Variants in MAP2K5 observed in about 807,000 individuals in gnomAD.
MAP2K5 encodes the protein dual specificity mitogen-activated protein kinase kinase 5.
In MAP2K5, 49 loss-of-function variants were observed where a neutral mutation model predicts 83.1. That is an observed-to-expected ratio of 0.59 (90% CI 0.47 to 0.75). The LOEUF is 0.75. MAP2K5 is among the 30% of genes least tolerant of loss of function. The probability of loss-of-function intolerance (pLI) is 0.00; values close to 1 mark genes in which losing one functional copy is unlikely to be tolerated. For missense variants in MAP2K5, 457 were observed against 557.5 expected (o/e 0.82, Z 1.82); for synonymous variants, 202 against 191.8 (o/e 1.05, Z -0.44).
chr15:67,617,906 C>G (rs2086090292), intron 8 of MAP2K5, among the ~76,000 whole-genome samples: 1 of 152,070 alleles, frequency 6.6e-6, no homozygotes, highest in Non-Finnish European at 1.5e-5. Context: ...GTTGCCCAGG[C>G]TGGTCTTGAA....
rs2089682571 is a variant in MAP2K5 at position 67,749,903 on chromosome 15, A to G, written c.1134+1302A>G. Among the ~76,000 whole-genome samples, 1 of 152,122 alleles carries G rather than the reference A, an allele frequency of 6.6e-6. No homozygotes were observed. The highest frequency in any genetic ancestry group is 6.5e-5 in the Admixed American group (1 of 15,272). On this transcript the variant is annotated intron_variant, in intron 19 of 21. Transcript: ENST00000178640. The surrounding 1 kb of genome is among the most constrained non-coding windows in gnomAD (Gnocchi z 4.6). ...AGTGTCTGGGGAAACTTGCCTACCC[A>G]GTTTCGTGCACAGCCTTCTGTGTTT...
intron 19 of MAP2K5, among the ~76,000 whole-genome samples, chr15:67,756,053 C>T (rs1056164172): frequency 3.3e-5 from 5 of 152,208 alleles, no homozygotes; most frequent in East Asian, 1.9e-4. Context: ...ATCTCTCCCC[C>T]ACACTAGGGC....
intron 9 of MAP2K5, among the ~76,000 whole-genome samples, chr15:67,639,759 A>C (rs1393805295): frequency 2.0e-5 from 3 of 152,250 alleles, no homozygotes; most frequent in Non-Finnish European, 4.4e-5. Context: ...TGTGTCTTTT[A>C]AGTTGAACTC....
At chr15:67,759,097 A>G (rs781267684) in intron 19 of MAP2K5, among the ~76,000 whole-genome samples, 6 of 152,156 alleles carry the variant, frequency 3.9e-5, no homozygotes, top group Admixed American at 1.3e-4. Flanking sequence ...TTGAAATACA[A>G]TAAGTTTGGC....
intron 17 of MAP2K5, among the ~76,000 whole-genome samples, chr15:67,745,514 T>G (rs980772097): frequency 1.3e-5 from 2 of 152,252 alleles, no homozygotes; most frequent in South Asian, 2.1e-4. Context: ...TACAGTAATG[T>G]GATCTTGAAA....
At position 67,658,569 on chromosome 15, in the gene MAP2K5, A is replaced by G. The variant is rs764859617; in HGVS notation, c.753A>G (p.Val251=). 5.6e-6 allele frequency: 9 copies of G among 1,612,212 alleles called. No homozygotes were observed. The highest frequency in any genetic ancestry group is 1.1e-5 in the South Asian group (1 of 91,044). ...TEFMDGGSLD[V]YRKMPEHVLG... Reference sequence around the variant, plus strand: ...TCTCTACAGGGGGATCTTTGGATGTATATAGGAAAATGCCAGAACATGTCC... The same window carrying G: ...TCTCTACAGGGGGATCTTTGGATGTGTATAGGAAAATGCCAGAACATGTCC... The change falls in exon 12 of 22, where the codon GTA becomes GTG. Residue 251 remains valine, a synonymous_variant. Coordinates refer to ENST00000178640, the MANE Select transcript of MAP2K5 (RefSeq NM_145160.3).
At chr15:67,661,224 T>C (rs934562481) in intron 12 of MAP2K5, among the ~76,000 whole-genome samples, 2 of 152,154 alleles carry the variant, frequency 1.3e-5, no homozygotes, top group African/African-American at 4.8e-5. Context: ...CTCAGTGGTT[T>C]TTCTCTACTA....
intron 13 of MAP2K5, among the ~76,000 whole-genome samples, chr15:67,685,595 A>G (rs2087934008): frequency 6.6e-6 from 1 of 152,234 alleles, no homozygotes; most frequent in Non-Finnish European, 1.5e-5. Context: ...TAAAGACATT[A>G]TATTATGGAG....
rs1044639173 is a variant in MAP2K5, at chr15:67,662,388, A to G, written c.799-2209A>G. Among the ~76,000 whole-genome samples, 7 of 152,228 alleles carry G rather than the reference A, an allele frequency of 4.6e-5. No homozygotes were observed. In the East Asian group the frequency reaches 1.3e-3, roughly 29 times the overall value. ...TATGTAAACGACTCATTTACTTCTC[A>G]TGGGTAATGATAGGTTTTCTTGTTC... On this transcript the variant is annotated intron_variant, in intron 12 of 21. Transcript: ENST00000178640.
At chr15:67,763,351 A>T (rs999305869) in intron 19 of MAP2K5, among the ~76,000 whole-genome samples, 3 of 152,204 alleles carry the variant, frequency 2.0e-5, no homozygotes, top group Non-Finnish European at 4.4e-5. Context: ...CAAATCTGCT[A>T]TGTAGTTATG....
At position 67,763,491 on chromosome 15, in the gene MAP2K5, G is replaced by A. The variant is rs139387851; in HGVS notation, c.1135-6111G>A. ...GTCTACATTCTGTTACAGCAGATAT[G>A]TACATTGAGGACCTTTAAAATATTA... On this transcript the variant is annotated intron_variant, in intron 19 of 21. Coordinates refer to ENST00000178640, the MANE Select transcript of MAP2K5 (RefSeq NM_145160.3). 3.1e-3 allele frequency among the ~76,000 whole-genome samples: 470 copies of A among 152,172 alleles called. 2 individuals are homozygous for A. Among genetic ancestry groups the A allele is most frequent in the African/African-American group, 0.011 (455 of 41,540 alleles).
At chr15:67,671,150 A>AAG (rs1295978318) in intron 13 of MAP2K5, among the ~76,000 whole-genome samples, 2 of 152,184 alleles carry the variant, frequency 1.3e-5, no homozygotes, top group Non-Finnish European at 2.9e-5. Context: ...TTCAAGAGCT[A>AAG]AGGTTCTGGG....
intron 7 of MAP2K5, among the ~76,000 whole-genome samples, chr15:67,599,142 A>G (rs750220228): frequency 6.6e-6 from 1 of 152,142 alleles, no homozygotes; most frequent in Non-Finnish European, 1.5e-5. Flanking sequence ...GAATAATGAG[A>G]TTTTATTTTG....
rs550065339 is a variant in MAP2K5 at position 67,562,874 on chromosome 15, G to A, written c.185-409G>A. Among the ~76,000 whole-genome samples the A allele has an allele frequency of 6.6e-6, 1 of 152,264 alleles. No individual in the cohort carries two copies. The highest frequency in any genetic ancestry group is 1.9e-4 in the East Asian group (1 of 5,184). On this transcript the variant is annotated intron_variant, in intron 2 of 21. Coordinates refer to ENST00000178640, the MANE Select transcript of MAP2K5 (RefSeq NM_145160.3). This position sits in a 1 kb window ranked among gnomAD's most constrained non-coding sequence, Gnocchi z 4.1. ...CATTTTTATCATGCTGTTGTGAGAT[G>A]ATAGATTGCCTGGGAGAGAGGAAGA...
chr15:67,733,518 A>T (rs1319812431), intron 17 of MAP2K5, among the ~76,000 whole-genome samples: 3 of 152,342 alleles, frequency 2.0e-5, no homozygotes, highest in African/African-American at 7.2e-5. Context: ...GGAAAAAAAA[A>T]TACCATCATC....
chr15:67,607,924 T>C (rs1304545507), intron 8 of MAP2K5, among the ~76,000 whole-genome samples: 1 of 152,206 alleles, frequency 6.6e-6, no homozygotes, highest in African/African-American at 2.4e-5. Flanking sequence ...TTGAGTCTGG[T>C]AAAAATCAAT....
chr15:67,737,790 C>A (rs2089374915), intron 17 of MAP2K5, among the ~76,000 whole-genome samples: 1 of 149,316 alleles, frequency 6.7e-6, no homozygotes, highest in Non-Finnish European at 1.5e-5. Flanking sequence ...TCAATGTCTG[C>A]AGATGGTGAC....
Position 67,794,216 on chromosome 15 carries a change from T to A in MAP2K5, c.1243-12430T>A, listed in dbSNP as rs568412328. Reference sequence around the variant, plus strand: ...AAACGCATTTCAGGCTTCTGTACATTTAATTTTCTTCAACATTACCTTGGA... The same window carrying A: ...AAACGCATTTCAGGCTTCTGTACATATAATTTTCTTCAACATTACCTTGGA... On this transcript the variant is annotated intron_variant, in intron 21 of 21. Coordinates refer to ENST00000178640, the MANE Select transcript of MAP2K5 (RefSeq NM_145160.3). The surrounding 1 kb of genome is among the most constrained non-coding windows in gnomAD (Gnocchi z 4.6). Among the ~76,000 whole-genome samples, 9 of 152,312 alleles carry A rather than the reference T, an allele frequency of 5.9e-5. 1 individual carries two copies. Among genetic ancestry groups the A allele is most frequent in the African/African-American group, 2.2e-4 (9 of 41,562 alleles).
chr15:67,743,086 T>G (rs1489590178), intron 17 of MAP2K5, among the ~76,000 whole-genome samples: 1 of 152,226 alleles, frequency 6.6e-6, no homozygotes, highest in Non-Finnish European at 1.5e-5. Context: ...TGTGCCCTCC[T>G]GTAGGCATCT....
Sources: allele counts gnomAD v4.1 joint callset (sites outside exome capture counted in the v4.1 genomes callset), GRCh38; gene constraint gnomAD v4.1.1; non-coding constraint Gnocchi (gnomAD v3.1); transcripts MANE v1.5; gene names NCBI Gene and HGNC (gene_info 2026-07-23, HGNC 2026-07-21).